The following CHST15 variants were observed in gnomAD, a reference collection of about 807,000 sequenced individuals.
The protein encoded by CHST15 is B cell RAG associated protein (GALNAC4S-6ST).
Under a neutral mutation model 53.6 loss-of-function variants are expected in CHST15, and 30 were observed. The observed-to-expected ratio is 0.56, with a 90% CI of 0.42 to 0.76. The LOEUF (loss-of-function observed/expected upper bound fraction) is 0.76. CHST15 is among the 30% of genes least tolerant of loss of function. CHST15 has a pLI of 0.00. For missense variants in CHST15, 627 were observed against 740.5 expected (o/e 0.85, Z 1.78); for synonymous variants, 296 against 289.8 (o/e 1.02, Z -0.22).
rs1026818568 is a variant in CHST15, at chr10:124,012,443, A to C, written c.1385T>G (p.Leu462Arg). Reference protein sequence around the residue: ...LQVGLYAVYLLDWLSVFDKQQ... With the variant: ...LQVGLYAVYLRDWLSVFDKQQ... Reference sequence around the variant, plus strand: ...CTTGTCAAAAACGCTGAGCCAGTCCAGAAGGTACACAGCATAGAGCCCAAC... The same window carrying C: ...CTTGTCAAAAACGCTGAGCCAGTCCCGAAGGTACACAGCATAGAGCCCAAC... Residue 462 changes from leucine (L) to arginine (R), a missense_variant, in exon 7 of 8, where the codon CTG becomes CGG. This residue lies in a region of CHST15 where 279 missense variants were observed against 371.6 expected (regional missense o/e 0.75). Coordinates refer to ENST00000435907, the MANE Select transcript of CHST15 (RefSeq NM_001270764.2). The C allele has an allele frequency of 1.2e-6, 2 of 1,614,224 alleles. No individual in the cohort carries two copies. Among genetic ancestry groups the C allele is most frequent in the Admixed American group, 1.7e-5 (1 of 60,020 alleles).
Position 124,010,215 on chromosome 10 carries a change from G to A in CHST15, c.1620C>T (p.Tyr540=). 6.2e-7 allele frequency: 1 copy of A among 1,614,102 alleles called. No homozygotes were observed. Among genetic ancestry groups the A allele is most frequent in the Non-Finnish European group, 8.5e-7 (1 of 1,180,052 alleles). The part of the protein sequence containing the change: ...PITQKILRDF[Y]RPFNARLAQV... ...GCGCCAGCCTAGCGTTGAAGGGCCT[G>A]TAGAAATCCCGCAGAATCTTCTGTG... Residue 540 remains tyrosine, a synonymous_variant, in exon 8 of 8, where the codon TAC becomes TAT. Transcript: ENST00000435907.
At chr10:124,073,994 C>T (rs1564908903) in intron 1 of CHST15, among the ~76,000 whole-genome samples, 1 of 152,202 alleles carries the variant, frequency 6.6e-6, no homozygotes, top group Non-Finnish European at 1.5e-5. Flanking sequence ...TGGCAGCAAC[C>T]TACGGGCTAG....
intron 1 of CHST15, among the ~76,000 whole-genome samples, chr10:124,072,138 T>C (rs1430951909): frequency 6.6e-6 from 1 of 152,226 alleles, no homozygotes; most frequent in Non-Finnish European, 1.5e-5. Flanking sequence ...TGAATCTACT[T>C]GGGGTAGGGA....
At chr10:124,022,811 C>CTTTTTTTT (rs924775599) in intron 5 of CHST15, among the ~76,000 whole-genome samples, 9 of 100,428 alleles carry the variant, frequency 9.0e-5, no homozygotes, top group Non-Finnish European at 1.4e-4. Context: ...CTTGGCATTT[C>CTTTTTTTT]TTTTTTTTTT....
chr10:124,074,621 T>C lies in CHST15; in HGVS notation c.-513+18848A>G, dbSNP rs1393422050. Among the ~76,000 whole-genome samples the C allele has an allele frequency of 6.6e-6, 1 of 152,132 alleles. No individual in the cohort carries two copies. Among genetic ancestry groups the C allele is most frequent in the Admixed American group, 6.5e-5 (1 of 15,274 alleles). On this transcript the variant is annotated intron_variant, in intron 1 of 7. Coordinates refer to ENST00000435907, the MANE Select transcript of CHST15 (RefSeq NM_001270764.2). The surrounding 1 kb of genome is among the most constrained non-coding windows in gnomAD (Gnocchi z 4.4). ...TCTCCCTCCGCGCAGCTTCCTCCATTATGACCTGGAGCTCTCCAATGCACC... is the reference window on the plus strand; with the variant it reads ...TCTCCCTCCGCGCAGCTTCCTCCATCATGACCTGGAGCTCTCCAATGCACC...
At chr10:124,076,944 C>T (rs1285430896) in intron 1 of CHST15, among the ~76,000 whole-genome samples, 2 of 152,204 alleles carry the variant, frequency 1.3e-5, no homozygotes, top group African/African-American at 4.8e-5. Context: ...CTCCTGACCT[C>T]GTGATCCACC....
intron 1 of CHST15, among the ~76,000 whole-genome samples, chr10:124,054,593 G>A (rs1948312352): frequency 5.3e-5 from 8 of 152,172 alleles, no homozygotes; most frequent in Admixed American, 5.2e-4. Flanking sequence ...CCAAGCAGTC[G>A]AAAATAAGAC....
At chr10:124,022,174 T>C (rs1023431420) in intron 5 of CHST15, among the ~76,000 whole-genome samples, 1 of 152,198 alleles carries the variant, frequency 6.6e-6, no homozygotes, top group African/African-American at 2.4e-5. Flanking sequence ...ACCACCCTAT[T>C]TTAGCAAGAA....
At chr10:124,014,670 G>A (rs1461894566) in intron 6 of CHST15, among the ~76,000 whole-genome samples, 1 of 152,174 alleles carries the variant, frequency 6.6e-6, no homozygotes, top group Non-Finnish European at 1.5e-5. Context: ...GTCCCTCGTA[G>A]GGGAGACCAG....
chr10:124,071,729 A>T (rs1039733115), intron 1 of CHST15, among the ~76,000 whole-genome samples: 1 of 152,338 alleles, frequency 6.6e-6, no homozygotes, highest in East Asian at 1.9e-4. Context: ...TCTAGATTTC[A>T]TAAGACTTAG....
In CHST15 at chr10:124,073,824, C is replaced by A. The variant is rs187414016; in HGVS notation, c.-513+19645G>T. Among the ~76,000 whole-genome samples the A allele has an allele frequency of 3.9e-5, 6 of 152,190 alleles. No homozygotes were observed. The East Asian group carries it at 5.8e-4, about 15-fold the overall frequency. On this transcript the variant is annotated intron_variant, in intron 1 of 7. Coordinates refer to ENST00000435907, the MANE Select transcript of CHST15 (RefSeq NM_001270764.2). ...TTAAAATGGTTAACAGAGCTCGTAACCACTTAGGGCTTATTTTACGACCCG... is the reference window on the plus strand; with the variant it reads ...TTAAAATGGTTAACAGAGCTCGTAAACACTTAGGGCTTATTTTACGACCCG...
At chr10:124,073,614 G>A (rs534328799) in intron 1 of CHST15, among the ~76,000 whole-genome samples, 31 of 152,184 alleles carry the variant, frequency 2.0e-4, no homozygotes, top group Non-Finnish European at 4.3e-4. Flanking sequence ...GATACATGGT[G>A]GTAAGTTTCT....
intron 1 of CHST15, among the ~76,000 whole-genome samples, chr10:124,047,807 T>C (rs1948057002): frequency 1.3e-5 from 2 of 152,342 alleles, no homozygotes; most frequent in South Asian, 4.1e-4. Flanking sequence ...ATGATGATGA[T>C]TTTTCATTGT....
rs1946331567 is a variant in CHST15 at position 124,008,618 on chromosome 10, A to C, written c.*1531T>G. On this transcript the variant is annotated 3_prime_UTR_variant, in exon 8 of 8. Coordinates refer to ENST00000435907, the MANE Select transcript of CHST15 (RefSeq NM_001270764.2). Reference sequence around the variant, plus strand: ...TCCCTTCTCTGATGGCAGAAAGACAACACCAGCAGAAAGACGGCTGAACAA... The same window carrying C: ...TCCCTTCTCTGATGGCAGAAAGACACCACCAGCAGAAAGACGGCTGAACAA... The C allele has an allele frequency of 9.7e-7, 1 of 1,031,842 alleles. No individual in the cohort carries two copies. The highest frequency in any genetic ancestry group is 1.7e-5 in the African/African-American group (1 of 59,048). The allele number at this position is 1,031,842 out of a possible 1,614,324, so 63.9% of individuals were successfully genotyped here. A position where few individuals can be genotyped will look rare whatever the true frequency, so the allele number is the denominator to read the frequency against.
chr10:124,023,736 A>T (rs1678735938), intron 5 of CHST15, among the ~76,000 whole-genome samples: 1 of 151,874 alleles, frequency 6.6e-6, no homozygotes, highest in South Asian at 2.1e-4. Flanking sequence ...TATACTTTCT[A>T]TTCCTTCAAC....
chr10:124,012,831 C>T (rs565623793), intron 6 of CHST15, among the ~76,000 whole-genome samples: 1 of 152,198 alleles, frequency 6.6e-6, no homozygotes, highest in East Asian at 1.9e-4. Context: ...TTCTCTGTTC[C>T]CAGTGTGACC....
At chr10:124,034,425 G>A (rs770915035) in intron 5 of CHST15, among the ~76,000 whole-genome samples, 72 of 152,170 alleles carry the variant, frequency 4.7e-4, no homozygotes, top group Non-Finnish European at 7.9e-4. Flanking sequence ...GCACGGTGCT[G>A]CTGTCTTCTG....
At chr10:124,071,080 C>T (rs28612146) in intron 1 of CHST15, among the ~76,000 whole-genome samples, 105,567 of 152,138 alleles carry the variant, frequency 0.69, 36,965 homozygotes, top group African/African-American at 0.78. Context: ...TTGATTTGAT[C>T]TGATTCTAAC....
At chr10:124,015,405 G>A (rs998218431) in intron 6 of CHST15, among the ~76,000 whole-genome samples, 5 of 149,916 alleles carry the variant, frequency 3.3e-5, no homozygotes, top group Non-Finnish European at 4.4e-5. Flanking sequence ...GGCGGGGGGG[G>A]CTACTCAGGG....
Sources: gnomAD v4.1 joint callset for allele counts (sites outside exome capture counted in the v4.1 genomes callset) on GRCh38, gnomAD v4.1.1 for gene constraint, gnomAD v4.1.1 regional missense constraint, Gnocchi (gnomAD v3.1) non-coding constraint, MANE v1.5 for transcripts, NCBI Gene and HGNC (gene_info 2026-07-23, HGNC 2026-07-21) for gene names.